HPSE2: variants seen among roughly 807,000 people sequenced by gnomAD.
HPSE2 encodes the protein inactive heparanase-2.
Under a neutral mutation model 60.5 loss-of-function variants are expected in HPSE2, and 38 were observed. The ratio of observed to expected loss-of-function variants is 0.63; its 90% CI spans 0.48 to 0.82. HPSE2 has a LOEUF of 0.82. HPSE2 is among the 40% of genes least tolerant of loss of function. The pLI is 0.00. For missense variants in HPSE2, 713 were observed against 740.4 expected (o/e 0.96, Z 0.43); for synonymous variants, 295 against 293.2 (o/e 1.01, Z -0.06).
chr10:99,094,987 A>C (rs1276324490), intron 3 of HPSE2, among the ~76,000 whole-genome samples: 1 of 152,094 alleles, frequency 6.6e-6, no homozygotes, highest in Non-Finnish European at 1.5e-5. Flanking sequence ...CAGGAGTTCC[A>C]AACCAGCCTG....
intron 3 of HPSE2, among the ~76,000 whole-genome samples, chr10:98,905,060 G>A (rs1424536643): frequency 6.6e-6 from 1 of 152,072 alleles, no homozygotes; most frequent in African/African-American, 2.4e-5. Context: ...ATAAGAGACA[G>A]GAGGAAAATA....
At chr10:98,815,793 T>G (rs895128703) in intron 3 of HPSE2, among the ~76,000 whole-genome samples, 2 of 152,264 alleles carry the variant, frequency 1.3e-5, no homozygotes, top group African/African-American at 4.8e-5. Flanking sequence ...CCACGTCCTC[T>G]TCTCCCTATC....
intron 3 of HPSE2, among the ~76,000 whole-genome samples, chr10:98,937,509 T>C (rs1423444715): frequency 6.9e-6 from 1 of 144,124 alleles, no homozygotes; most frequent in Non-Finnish European, 1.5e-5. Context: ...GAGATCAAAC[T>C]GCAAGGCAGC....
chr10:98,625,457 C>T (rs1371919128), intron 7 of HPSE2, among the ~76,000 whole-genome samples: 1 of 152,050 alleles, frequency 6.6e-6, no homozygotes, highest in Non-Finnish European at 1.5e-5. Context: ...AGGTCAATTA[C>T]CATACAAGGT....
chr10:99,063,898 T>A (rs1384897006), intron 3 of HPSE2, among the ~76,000 whole-genome samples: 2 of 152,026 alleles, frequency 1.3e-5, no homozygotes. Context: ...ATTGAGATCA[T>A]CCTGGCCAAC....
chr10:99,112,430 T>G (rs868474498), intron 3 of HPSE2, among the ~76,000 whole-genome samples: 11 of 148,594 alleles, frequency 7.4e-5, no homozygotes, highest in Admixed American at 1.3e-4. Context: ...TTGTTTTGTT[T>G]TGTTTTGTTT....
At chr10:99,282,420 T>C in the HPSE2 span, among the ~76,000 whole-genome samples, 12 of 152,122 alleles carry the variant, frequency 7.9e-5, no homozygotes, top group African/African-American at 2.9e-4. Flanking sequence ...AGTTCTATAA[T>C]CATAGTTAAA....
intron 3 of HPSE2, among the ~76,000 whole-genome samples, chr10:98,881,918 C>T (rs967964296): frequency 6.6e-6 from 1 of 152,054 alleles, no homozygotes; most frequent in Non-Finnish European, 1.5e-5. Flanking sequence ...TACTTTTCCA[C>T]CCCATTTGAT....
intron 9 of HPSE2, among the ~76,000 whole-genome samples, chr10:98,498,556 G>T (rs561856074): frequency 4.6e-5 from 7 of 152,184 alleles, no homozygotes; most frequent in Admixed American, 4.6e-4. Context: ...GAAGCAACCA[G>T]AAAACCAACT....
chr10:98,526,189 G>A (rs1942962326), intron 9 of HPSE2, among the ~76,000 whole-genome samples: 1 of 152,218 alleles, frequency 6.6e-6, no homozygotes, highest in African/African-American at 2.4e-5. Flanking sequence ...AGGTATAGAA[G>A]ACTGGGTGTA....
intron 3 of HPSE2, among the ~76,000 whole-genome samples, chr10:98,919,353 T>G (rs901503236): frequency 2.0e-5 from 3 of 152,174 alleles, no homozygotes; most frequent in Non-Finnish European, 4.4e-5. Context: ...ATGCCTCATA[T>G]GCCATGCTAC....
chr10:98,562,403 G>T (rs1944212454), intron 9 of HPSE2, among the ~76,000 whole-genome samples: 1 of 152,170 alleles, frequency 6.6e-6, no homozygotes, highest in Admixed American at 6.5e-5. Context: ...GAAAGGCAGA[G>T]ATCAGGTCTT....
intron 3 of HPSE2, among the ~76,000 whole-genome samples, chr10:98,968,264 G>A (rs958738006): frequency 2.0e-5 from 3 of 152,096 alleles, no homozygotes; most frequent in Non-Finnish European, 4.4e-5. Context: ...AGCACTGTTT[G>A]GATCCCCATA....
intron 3 of HPSE2, among the ~76,000 whole-genome samples, chr10:99,029,276 C>T (rs1214416620): frequency 2.0e-5 from 3 of 152,160 alleles, no homozygotes; most frequent in Non-Finnish European, 4.4e-5. Context: ...GCTCAAACAA[C>T]TCTATAGGAA....
intron 3 of HPSE2, among the ~76,000 whole-genome samples, chr10:99,011,512 C>A (rs965795292): frequency 6.6e-6 from 1 of 151,920 alleles, no homozygotes; most frequent in Non-Finnish European, 1.5e-5. Context: ...AATCCCAGCA[C>A]TTTGGGAGGC....
chr10:98,821,880 C>T (rs1589885284), intron 3 of HPSE2, among the ~76,000 whole-genome samples: 2 of 152,224 alleles, frequency 1.3e-5, no homozygotes, highest in East Asian at 3.9e-4. Context: ...TCCACTAAGA[C>T]TTAAAACCTT....
At chr10:99,260,938 A>G in the HPSE2 span, among the ~76,000 whole-genome samples, 1 of 152,172 alleles carries the variant, frequency 6.6e-6, no homozygotes, top group Admixed American at 6.5e-5. Flanking sequence ...GAAACGTCTT[A>G]TTTTCTTCTG....
At chr10:98,745,370 T>C (rs560106983) in intron 3 of HPSE2, among the ~76,000 whole-genome samples, 32 of 152,346 alleles carry the variant, frequency 2.1e-4, no homozygotes, top group African/African-American at 7.5e-4. Flanking sequence ...ATAATCTCTG[T>C]ACTTGCCTGT....
At chr10:98,644,693 C>G (rs1301273211) in intron 6 of HPSE2, among the ~76,000 whole-genome samples, 3 of 152,236 alleles carry the variant, frequency 2.0e-5, no homozygotes, top group Non-Finnish European at 4.4e-5. Context: ...GCTCTTCTGA[C>G]ATGGTGCTGA....
Sources: allele counts gnomAD v4.1 joint callset (sites outside exome capture counted in the v4.1 genomes callset), GRCh38; gene constraint gnomAD v4.1.1; transcripts MANE v1.5; gene names NCBI Gene and HGNC (gene_info 2026-07-23, HGNC 2026-07-21).